SH3PXD2A: variants seen among roughly 807,000 people sequenced by gnomAD.
SH3PXD2A encodes the protein SH3 and PX domain-containing protein 2A.
A neutral mutation model predicts 115.2 loss-of-function variants in SH3PXD2A; 32 were observed. That is an observed-to-expected ratio of 0.28 (90% CI 0.21 to 0.37). The LOEUF is 0.37. SH3PXD2A is among the 10% of genes least tolerant of loss of function. The pLI, the probability that SH3PXD2A is intolerant of heterozygous loss-of-function variation, is 1.00. For synonymous variants in SH3PXD2A, 610 were observed against 629.1 expected, an observed-to-expected ratio of 0.97 and a Z score of 0.45; for missense variants, 1,328 against 1,498.7, an observed-to-expected ratio of 0.89 and a Z score of 1.88.
chr10:103,740,943 A>C (rs2038437874), intron 3 of SH3PXD2A, among the ~76,000 whole-genome samples: 1 of 152,134 alleles, frequency 6.6e-6, no homozygotes, highest in Admixed American at 6.5e-5. Flanking sequence ...TGCTCTCAGG[A>C]GTTTACCTTC....
intron 3 of SH3PXD2A, among the ~76,000 whole-genome samples, chr10:103,748,964 CTTTCTTCT>C (rs2038541483): frequency 6.6e-6 from 1 of 151,612 alleles, no homozygotes; most frequent in African/African-American, 2.4e-5. Flanking sequence ...GTCTTTCTTT[CTTTCTTCT>C]TTCTTTTTTT....
intron 1 of SH3PXD2A, among the ~76,000 whole-genome samples, chr10:103,845,344 AAGAAAAAAGAAAAAG>A (rs1564902994): frequency 8.8e-5 from 2 of 22,772 alleles, no homozygotes; most frequent in African/African-American, 2.0e-4. Flanking sequence ...AAAAAAAAAA[AAGAAAAAAGAAAAAG>A]AAAAAGAAAA....
intron 1 of SH3PXD2A, among the ~76,000 whole-genome samples, chr10:103,851,105 C>T (rs1312445562): frequency 1.4e-5 from 2 of 146,454 alleles, no homozygotes; most frequent in African/African-American, 5.1e-5. Flanking sequence ...TGTGGCTGCA[C>T]ATTCTCATTC....
At chr10:103,849,397 C>G (rs1422879472) in intron 1 of SH3PXD2A, among the ~76,000 whole-genome samples, 1 of 152,248 alleles carries the variant, frequency 6.6e-6, no homozygotes, top group Non-Finnish European at 1.5e-5. Flanking sequence ...TCTGCATTGC[C>G]TGGCACATAG....
intron 4 of SH3PXD2A, among the ~76,000 whole-genome samples, chr10:103,727,272 A>G (rs2038252582): frequency 1.3e-5 from 2 of 152,226 alleles, no homozygotes. Context: ...GCATGCCTCC[A>G]GAATATTCAA....
At position 103,784,200 on chromosome 10, in the gene SH3PXD2A, G is replaced by A. The variant is rs931671389; in HGVS notation, c.154-17031C>T. On this transcript the variant is annotated intron_variant, in intron 2 of 14. Transcript: ENST00000369774. This position sits in a 1 kb window ranked among gnomAD's most constrained non-coding sequence, Gnocchi z 4.4. ...TCGGGGGTTGCTGGGGCACCTGTGT[G>A]CAGGCCTGCCCTTTTCCAGGTCCCG... Among the ~76,000 whole-genome samples, 21 of 152,238 alleles carry A rather than the reference G, an allele frequency of 1.4e-4. No homozygotes were observed. The highest frequency in any genetic ancestry group is 4.8e-4 in the African/African-American group (20 of 41,466).
At chr10:103,614,252 C>T (rs549646572) in intron 11 of SH3PXD2A, among the ~76,000 whole-genome samples, 3 of 152,012 alleles carry the variant, frequency 2.0e-5, no homozygotes, top group South Asian at 4.2e-4. Context: ...GAGACCCTGC[C>T]TCCAAAAATG....
At chr10:103,606,432 TAAAAAAAAAA>T (rs533450822) in intron 13 of SH3PXD2A, among the ~76,000 whole-genome samples, 8 of 8,156 alleles carry the variant, frequency 9.8e-4, no homozygotes, top group East Asian at 4.3e-3. Context: ...AAGAATTTGC[TAAAAAAAAAA>T]AAAAAAAAAA....
rs184588730 is a variant in SH3PXD2A, at chr10:103,756,533, G to A, written c.229+10561C>T. ...AGTGCCCAGTGCCCAGAGGCTCCTG[G>A]GGAGGGAGGCTGCCCACCACAAAGC... On this transcript the variant is annotated intron_variant, in intron 3 of 14. Transcript: ENST00000369774. The surrounding 1 kb of genome is among the most constrained non-coding windows in gnomAD (Gnocchi z 4.4). Among the ~76,000 whole-genome samples the A allele has an allele frequency of 6.8e-4, 104 of 152,250 alleles. No individual in the cohort carries two copies. The highest frequency in any genetic ancestry group is 2.4e-3 in the African/African-American group (100 of 41,554).
chr10:103,624,857 T>C (rs2036667032), intron 9 of SH3PXD2A, among the ~76,000 whole-genome samples: 1 of 152,088 alleles, frequency 6.6e-6, no homozygotes, highest in Non-Finnish European at 1.5e-5. Context: ...AGGGGACCCA[T>C]CCCTGAGCCC....
At chr10:103,761,220 T>C (rs2038696510) in intron 3 of SH3PXD2A, among the ~76,000 whole-genome samples, 2 of 152,194 alleles carry the variant, frequency 1.3e-5, no homozygotes, top group Admixed American at 6.5e-5. Context: ...TTTGATAACA[T>C]ACTGCGGTTA....
At chr10:103,685,003 G>T (rs1037433789) in intron 6 of SH3PXD2A, among the ~76,000 whole-genome samples, 2 of 150,960 alleles carry the variant, frequency 1.3e-5, no homozygotes, top group African/African-American at 4.9e-5. Flanking sequence ...CTGAACGACA[G>T]AGCCTGGGGC....
chr10:103,727,096 C>G (rs140413548), intron 4 of SH3PXD2A, among the ~76,000 whole-genome samples: 50 of 152,294 alleles, frequency 3.3e-4, no homozygotes, highest in African/African-American at 1.2e-3. Context: ...CCTGGTTTTA[C>G]AGGGATGAGA....
chr10:103,675,811 G>A (rs1203062408), intron 6 of SH3PXD2A, among the ~76,000 whole-genome samples: 1 of 152,168 alleles, frequency 6.6e-6, no homozygotes, highest in Non-Finnish European at 1.5e-5. Context: ...GGGAGGCTGA[G>A]GTGGGTGGAT....
At position 103,702,604 on chromosome 10, in the gene SH3PXD2A, T is replaced by TGTGTGTGTGTGTGC. The variant is rs1431889443; in HGVS notation, c.399-9549_399-9548insGCACACACACACAC. On this transcript the variant is annotated intron_variant, in intron 5 of 14. Transcript: ENST00000369774. ...GTAAGCCTGTGTGTGTGCGTGTGTG[T>TGTGTGTGTGTGTGC]GTGTGTGTGCATGCTGGGTGCGGAG... Among the ~76,000 whole-genome samples, 220 of 150,794 alleles carry TGTGTGTGTGTGTGC rather than the reference T, an allele frequency of 1.5e-3. 1 individual carries two copies. The highest frequency in any genetic ancestry group is 5.2e-3 in the African/African-American group (212 of 40,622).
chr10:103,735,899 T>C, intron 3 of SH3PXD2A, 91 bp from the exon 4 acceptor site: 2 of 996,824 alleles, frequency 2.0e-6, no homozygotes, highest in Admixed American at 3.4e-5. Flanking sequence ...CTCAGCATCT[T>C]AGTCCAGCAC....
In SH3PXD2A at chr10:103,652,489, C is replaced by T. The variant is rs117073820; in HGVS notation, c.604+8494G>A. On this transcript the variant is annotated intron_variant, in intron 8 of 14. Transcript: ENST00000369774. Reference sequence around the variant, plus strand: ...TGAGGGCAGCTATCCCCCACTCCCACCGGAACAATTACAGAAAACCCAACT... The same window carrying T: ...TGAGGGCAGCTATCCCCCACTCCCATCGGAACAATTACAGAAAACCCAACT... Among the ~76,000 whole-genome samples the T allele has an allele frequency of 2.6e-3, 389 of 152,294 alleles. 1 individual carries two copies. The highest frequency in any genetic ancestry group is 4.1e-3 in the Non-Finnish European group (279 of 68,032).
intron 3 of SH3PXD2A, among the ~76,000 whole-genome samples, chr10:103,747,506 T>A (rs768209205): frequency 2.0e-5 from 3 of 152,092 alleles, no homozygotes; most frequent in Non-Finnish European, 2.9e-5. Context: ...CCCTGTGGCA[T>A]GGTCCACAGT....
chr10:103,605,441 C>T (rs1370352856), intron 14 of SH3PXD2A, among the ~76,000 whole-genome samples: 1 of 152,178 alleles, frequency 6.6e-6, no homozygotes, highest in Non-Finnish European at 1.5e-5. Context: ...CTCTGGGAAG[C>T]CCTGCAATTA....
Sources: allele counts gnomAD v4.1 joint callset (sites outside exome capture counted in the v4.1 genomes callset), GRCh38; gene constraint gnomAD v4.1.1; non-coding constraint Gnocchi (gnomAD v3.1); transcripts MANE v1.5; gene names NCBI Gene and HGNC (gene_info 2026-07-23, HGNC 2026-07-21).